The following SCN1B variants were observed in gnomAD, a reference collection of about 807,000 sequenced individuals.
SCN1B encodes the protein sodium voltage-gated channel beta subunit 1.
SCN1B carries 11 observed loss-of-function variants against 25.7 expected under a neutral mutation model. The observed-to-expected ratio is 0.43, with a 90% confidence interval of 0.27 to 0.71. The LOEUF is 0.71. Among genes scored for constraint, SCN1B ranks in the 30% least tolerant of loss-of-function variants. The pLI, the probability that SCN1B is intolerant of heterozygous loss-of-function variation, is 0.21. For synonymous variants in SCN1B, 119 were observed against 117.5 expected, an observed-to-expected ratio of 1.01 and a Z score of -0.08; for missense variants, 224 against 291.5, an observed-to-expected ratio of 0.77 and a Z score of 1.69.
Position 35,033,642 on chromosome 19 carries a change from C to T in SCN1B, c.351C>T (p.Gly117=), listed in dbSNP as rs3746255. 1,902 of 1,614,200 alleles carry T rather than the reference C, an allele frequency of 1.2e-3. 25 individuals carry two copies. In the East Asian group the frequency reaches 0.032, roughly 27 times the overall value. ...FITNVTYNHS[G]DYECHVYRLL... is the part of the protein sequence containing the mutation. ...CCAATGTCACCTACAACCACTCGGGCGACTACGAGTGCCACGTCTACCGCC... is the reference window on the plus strand; with the variant it reads ...CCAATGTCACCTACAACCACTCGGGTGACTACGAGTGCCACGTCTACCGCC... Residue 117 remains glycine (G), a synonymous_variant, in exon 3 of 6, where the codon GGC becomes GGT. Coordinates refer to ENST00000262631, the MANE Select transcript of SCN1B (RefSeq NM_001037.5).
intron 3 of SCN1B, chr19:35,035,341 G>C (rs2151747232): frequency 6.6e-6 from 1 of 151,554 alleles, no homozygotes; most frequent in Non-Finnish European, 1.5e-5. Context: ...CCAGGCTGGA[G>C]TGCAATGGCG....
At position 35,030,754 on chromosome 19, in the gene SCN1B, C is replaced by T; in HGVS notation, c.-67C>T. 1.9e-6 allele frequency: 1 copy of T among 521,996 alleles called. No homozygotes were observed. The highest frequency in any genetic ancestry group is 2.1e-5 in the South Asian group (1 of 47,510). 32.3% of individuals were successfully genotyped at this position (521,996 alleles called of 1,614,324 possible). A position where few individuals can be genotyped will look rare whatever the true frequency, so the allele number is the denominator to read the frequency against. ...GGACATTCTAACCGCCGCCAGGTCC[C>T]GCCGCCTCTCGCCCCGCTATTAATA... On this transcript the variant is annotated 5_prime_UTR_variant, in exon 1 of 6. Transcript: ENST00000262631.
intron 3 of SCN1B, chr19:35,037,527 C>A: frequency 6.6e-6 from 1 of 152,144 alleles, no homozygotes; most frequent in East Asian, 1.9e-4. Flanking sequence ...CTGAGACCAG[C>A]CACCATGGGC....
At chr19:35,033,438 GGGTCAGGTAA>G (rs2064226861) in intron 2 of SCN1B, 51 bp from the exon 3 acceptor site, 1 of 1,609,692 alleles carries the variant, frequency 6.2e-7, no homozygotes, top group African/African-American at 1.3e-5. Flanking sequence ...GACAGAATCA[GGGTCAGGTAA>G]GGGAAGAGAG....
chr19:35,033,466 C>G, intron 2 of SCN1B, 33 bp from the exon 3 acceptor site: 1 of 1,612,652 alleles, frequency 6.2e-7, no homozygotes, highest in Non-Finnish European at 8.5e-7. Flanking sequence ...GAGGCCCAGG[C>G]AGTGACACCT....
In SCN1B at chr19:35,030,717, G is replaced by A; in HGVS notation, c.-104G>A. 4 of 260,492 alleles carry A rather than the reference G, an allele frequency of 1.5e-5. No homozygotes were observed. The highest frequency in any genetic ancestry group is 2.2e-5 in the Non-Finnish European group (3 of 136,334). 16.1% of individuals were successfully genotyped at this position (260,492 alleles called of 1,614,324 possible). ...TCCCAGAGCCGCAGCTGCTGCGCCC[G>A]CGCGCTCCCGGGGACATTCTAACCG... On this transcript the variant is annotated 5_prime_UTR_variant, in exon 1 of 6. Transcript: ENST00000262631.
chr19:35,037,416 G>A (rs1250298057), intron 3 of SCN1B: 1 of 152,226 alleles, frequency 6.6e-6, no homozygotes, highest in Non-Finnish European at 1.5e-5. Context: ...CCTGTGAGAT[G>A]CCGTGTTACC....
Position 35,032,325 on chromosome 19 carries a change from C to T in SCN1B, c.41-203C>T, listed in dbSNP as rs2064218969. On this transcript the variant is annotated intron_variant, in intron 1 of 5. Transcript: ENST00000262631. The surrounding 1 kb of genome is among the most constrained non-coding windows in gnomAD (Gnocchi z 4.3). ...CCAGCCATTGCTGGAAGCAAAGGAC[C>T]ATTTCTTTCAACAAGAGAGAGGGAA... is the stretch of plus-strand genomic sequence containing the variant. Among the ~76,000 whole-genome samples, 1 of 152,218 alleles carries T rather than the reference C, an allele frequency of 6.6e-6. No homozygotes were observed. The highest frequency in any genetic ancestry group is 2.1e-4 in the South Asian group (1 of 4,828).
Position 35,030,866 on chromosome 19 carries a change from T to C in SCN1B, c.40+6T>C, listed in dbSNP as rs587781151. On this transcript the variant is annotated splice_donor_region_variant and intron_variant, in intron 1 of 5. Coordinates refer to ENST00000262631, the MANE Select transcript of SCN1B (RefSeq NM_001037.5). The stretch of plus-strand genomic sequence containing the variant: ...AGTGGTCGGCGCGGCACTGGGTGAG[T>C]GCGCGGGGGGCGCGCGCGGCCGGGG... 1.3e-6 allele frequency: 1 copy of C among 775,492 alleles called. No individual in the cohort carries two copies. The highest frequency in any genetic ancestry group is 1.6e-6 in the Non-Finnish European group (1 of 611,176). 48.0% of individuals were successfully genotyped at this position (775,492 alleles called of 1,614,324 possible). A position where few individuals can be genotyped will look rare whatever the true frequency, so the allele number is the denominator to read the frequency against.
rs1600372245 is a variant in SCN1B at position 35,040,231 on chromosome 19, T to G, written c.*440T>G. On this transcript the variant is annotated 3_prime_UTR_variant, in exon 6 of 6. Transcript: ENST00000262631. ...GGCTGGAGCAGTTTGGGGCAGGGGG[T>G]TCTGGGACCCACTCCGACTCCCCCT... 1 of 169,000 alleles carries G rather than the reference T, an allele frequency of 5.9e-6. No individual in the cohort carries two copies. The allele number at this position is 169,000 out of a possible 1,614,324, so 10.5% of individuals were successfully genotyped here. A position where few individuals can be genotyped will look rare whatever the true frequency, so the allele number is the denominator to read the frequency against.
chr19:35,039,601 T>C (rs1040752864), intron 4 of SCN1B, 34 bp from the exon 5 acceptor site: 1 of 1,612,116 alleles, frequency 6.2e-7, no homozygotes. Flanking sequence ...GGTCTGATGA[T>C]GGGGTCACTG....
In SCN1B at chr19:35,033,778, C is replaced by T. The variant is rs373443526; in HGVS notation, c.448+39C>T. ...TGCCTGCCCCTTTACCGTCACCCAC[C>T]GGAGAGCCAGATGGAGGGACAGATG... On this transcript the variant is annotated intron_variant, in intron 3 of 5. Coordinates refer to ENST00000262631, the MANE Select transcript of SCN1B (RefSeq NM_001037.5). 37 of 1,613,798 alleles carry T rather than the reference C, an allele frequency of 2.3e-5. No individual in the cohort carries two copies. Among genetic ancestry groups the T allele is most frequent in the African/African-American group, 1.7e-4 (13 of 75,036 alleles).
Position 35,033,378 on chromosome 19 carries a change from T to A in SCN1B, c.208-121T>A, listed in dbSNP as rs58803373. ...GTGCCCTCCCTGCCTGAGGTCAAGG[T>A]GTCTGAGCCCATCTGTGTGCCATCT... is the stretch of plus-strand genomic sequence containing the variant. On this transcript the variant is annotated intron_variant, in intron 2 of 5. Transcript: ENST00000262631. 0.051 allele frequency: 79,910 copies of A among 1,557,176 alleles called. 2,866 individuals carry two copies. Among genetic ancestry groups the A allele is most frequent in the African/African-American group, 0.18 (13,166 of 73,890 alleles).
chr19:35,038,534 G>C, intron 3 of SCN1B: 1 of 182,536 alleles, frequency 5.5e-6, no homozygotes, highest in South Asian at 1.1e-4. Flanking sequence ...GCAGTCCTTT[G>C]CCTGAGGTCA....
chr19:35,032,706 C>T lies in SCN1B; in HGVS notation c.207+12C>T. ...AGGAGTTTGTCAAGGTGTGCGGGTGCCGGGAACGGGCATGGGAGGGCAGGG... is the reference window on the plus strand; with the variant it reads ...AGGAGTTTGTCAAGGTGTGCGGGTGTCGGGAACGGGCATGGGAGGGCAGGG... On this transcript the variant is annotated intron_variant, in intron 2 of 5. Transcript: ENST00000262631. The surrounding 1 kb of genome is among the most constrained non-coding windows in gnomAD (Gnocchi z 4.3). 6.2e-7 allele frequency: 1 copy of T among 1,613,242 alleles called. No homozygotes were observed. The highest frequency in any genetic ancestry group is 8.5e-7 in the Non-Finnish European group (1 of 1,179,940).
Position 35,039,957 on chromosome 19 carries a change from C to T in SCN1B, c.*166C>T. On this transcript the variant is annotated 3_prime_UTR_variant, in exon 6 of 6. Coordinates refer to ENST00000262631, the MANE Select transcript of SCN1B (RefSeq NM_001037.5). ...GGGGGCAGGGGGCTTGGCTCGCACC[C>T]CCACTTTCGCCTCCTCCAGCTCCTG... 1.8e-6 allele frequency: 1 copy of T among 570,144 alleles called. No individual in the cohort carries two copies. Among genetic ancestry groups the T allele is most frequent in the Non-Finnish European group, 3.1e-6 (1 of 318,214 alleles). The allele number at this position is 570,144 out of a possible 1,614,324, so 35.3% of individuals were successfully genotyped here. A position where few individuals can be genotyped will look rare whatever the true frequency, so the allele number is the denominator to read the frequency against.
intron 3 of SCN1B, chr19:35,037,695 C>T (rs2064257147): frequency 6.6e-6 from 1 of 150,872 alleles, no homozygotes; most frequent in Non-Finnish European, 1.5e-5. Context: ...CCTGTCACCC[C>T]AGCACTTTGG....
In SCN1B at chr19:35,032,168, G is replaced by T. The variant is rs1374927856; in HGVS notation, c.41-360G>T. 3.3e-5 allele frequency among the ~76,000 whole-genome samples: 5 copies of T among 152,186 alleles called. No individual in the cohort carries two copies. Among genetic ancestry groups the T allele is most frequent in the Non-Finnish European group, 4.4e-5 (3 of 68,022 alleles). On this transcript the variant is annotated intron_variant, in intron 1 of 5. Coordinates refer to ENST00000262631, the MANE Select transcript of SCN1B (RefSeq NM_001037.5). The surrounding 1 kb of genome is among the most constrained non-coding windows in gnomAD (Gnocchi z 4.3). ...TCTCATTCTACCACCTAGATGCTTG[G>T]GTTCCTCCAGCAAGGGACTTTCTGA...
intron 3 of SCN1B, chr19:35,037,730 G>T (rs2064257324): frequency 6.7e-6 from 1 of 149,810 alleles, no homozygotes; most frequent in Non-Finnish European, 1.5e-5. Context: ...AAGATTTCTT[G>T]AGGCCAGGAA....
Sources: gnomAD v4.1 joint callset for allele counts (sites outside exome capture counted in the v4.1 genomes callset) on GRCh38, gnomAD v4.1.1 for gene constraint, Gnocchi (gnomAD v3.1) non-coding constraint, MANE v1.5 for transcripts, NCBI Gene and HGNC (gene_info 2026-07-23, HGNC 2026-07-21) for gene names.